Variants in ASS1 observed in about 807,000 individuals in gnomAD.
ASS1 encodes argininosuccinate synthase.
ASS1 carries 58 observed loss-of-function variants against 60.5 expected under a neutral mutation model. The observed-to-expected ratio is 0.96, with a 90% CI of 0.78 to 1.19. The LOEUF (loss-of-function observed/expected upper bound fraction) is 1.19, where lower values mean the gene tolerates loss of function less well. Ranked by LOEUF, ASS1 falls within the 50% of genes most tolerant of loss-of-function variation. The pLI is 0.00. For missense variants in ASS1, 454 were observed against 547.3 expected (o/e 0.83, Z 1.70); for synonymous variants, 200 against 206.9 (o/e 0.97, Z 0.29).
At chr9:130,495,585 G>T (rs879359122) in intron 13 of ASS1, among the ~76,000 whole-genome samples, 1 of 151,990 alleles carries the variant, frequency 6.6e-6, no homozygotes, top group Non-Finnish European at 1.5e-5. Flanking sequence ...TGAATGGGGG[G>T]AGGGGTGGAA....
chr9:130,466,794 G>C lies in ASS1; in HGVS notation c.490G>C (p.Ala164Pro), dbSNP rs201445618. The C allele has an allele frequency of 3.1e-6, 5 of 1,614,008 alleles. No homozygotes were observed. The highest frequency in any genetic ancestry group is 4.2e-6 in the Non-Finnish European group (5 of 1,179,940). Residue 164 changes from alanine (A) to proline (P), a missense_variant, in exon 6 of 15, where the codon GCA becomes CCA. Coordinates refer to ENST00000352480, the MANE Select transcript of ASS1 (RefSeq NM_054012.4). ...GGGCCGCAATGACCTGATGGAGTACGCAAAGGTATGGCCGAGTCTCCCCAC... is the reference window on the plus strand; with the variant it reads ...GGGCCGCAATGACCTGATGGAGTACCCAAAGGTATGGCCGAGTCTCCCCAC... ...FKGRNDLMEYAKQHGIPIPVT... is the reference protein window; with the variant it reads ...FKGRNDLMEYPKQHGIPIPVT...
In ASS1 at chr9:130,491,323, G is replaced by A. The variant is rs1004421247; in HGVS notation, c.970+1859G>A. Among the ~76,000 whole-genome samples, 7 of 152,168 alleles carry A rather than the reference G, an allele frequency of 4.6e-5. No homozygotes were observed. Among genetic ancestry groups the A allele is most frequent in the Non-Finnish European group, 7.3e-5 (5 of 68,036 alleles). On this transcript the variant is annotated intron_variant, in intron 12 of 14. Transcript: ENST00000352480. The surrounding 1 kb of genome is among the most constrained non-coding windows in gnomAD (Gnocchi z 5.3). The stretch of plus-strand genomic sequence containing the variant: ...GTGGCGGAGGAGAGAGCACCTGGCC[G>A]GGCTGCTCCGGGGCCTCCACGGAGG...
intron 14 of ASS1, 30 bp from the exon 15 acceptor site, chr9:130,500,946 A>C (rs1564166114): frequency 2.5e-6 from 4 of 1,610,866 alleles, no homozygotes; most frequent in Non-Finnish European, 3.4e-6. Flanking sequence ...GTTAATTTAC[A>C]TTTTTCTTTG....
chr9:130,462,231 A>G (rs564924995), intron 4 of ASS1, among the ~76,000 whole-genome samples: 2 of 152,274 alleles, frequency 1.3e-5, no homozygotes, highest in South Asian at 4.1e-4. Flanking sequence ...AAATGGCACC[A>G]TCTGTATGGG....
chr9:130,480,418 G>T lies in ASS1; in HGVS notation c.807G>T (p.Val269=), dbSNP rs1371433843. The T allele has an allele frequency of 1.1e-5, 17 of 1,614,176 alleles. No homozygotes were observed. The highest frequency in any genetic ancestry group is 2.7e-5 in the African/African-American group (2 of 75,062). ...GKHGVGRIDI[V]ENRFIGMKSR... ...ATGGCGTGGGCCGTATTGACATCGTGGAGAACCGCTTCATTGGAATGAAGT... is the reference window on the plus strand; with the variant it reads ...ATGGCGTGGGCCGTATTGACATCGTTGAGAACCGCTTCATTGGAATGAAGT... Residue 269 remains valine, a synonymous_variant, in exon 11 of 15, where the codon GTG becomes GTT. Transcript: ENST00000352480.
chr9:130,474,925 C>T (rs1315225485), intron 8 of ASS1, among the ~76,000 whole-genome samples: 1 of 152,202 alleles, frequency 6.6e-6, no homozygotes, highest in African/African-American at 2.4e-5. Context: ...AGTCTGTCTT[C>T]AGGGAAGGTT....
rs1457130214 is a variant in ASS1 at position 130,474,071 on chromosome 9, C to G, written c.597+2556C>G. Among the ~76,000 whole-genome samples the G allele has an allele frequency of 2.2e-4, 28 of 127,862 alleles. 2 individuals are homozygous for G. The highest frequency in any genetic ancestry group is 3.8e-4 in the Admixed American group (5 of 13,220). 83.9% of individuals were successfully genotyped at this position (127,862 alleles called of 152,430 possible). On this transcript the variant is annotated intron_variant, in intron 8 of 14. Coordinates refer to ENST00000352480, the MANE Select transcript of ASS1 (RefSeq NM_054012.4). ...CTCTTCCCTCCCCCGCACCCCCCCC[C>G]CCCCACAGATGACATTGGAAGTGAG...
At chr9:130,462,671 C>G (rs953591358) in intron 4 of ASS1, among the ~76,000 whole-genome samples, 3 of 152,192 alleles carry the variant, frequency 2.0e-5, no homozygotes, top group Non-Finnish European at 2.9e-5. Context: ...CGGACCATGC[C>G]TTACCATCTA....
chr9:130,455,451 T>TCATC (rs1474047107), intron 3 of ASS1, among the ~76,000 whole-genome samples: 3 of 151,498 alleles, frequency 2.0e-5, no homozygotes, highest in Non-Finnish European at 4.4e-5. Flanking sequence ...ATCCATCCAT[T>TCATC]CATCCATCCA....
chr9:130,461,900 C>G (rs1203275869), intron 4 of ASS1, among the ~76,000 whole-genome samples: 1 of 152,118 alleles, frequency 6.6e-6, no homozygotes, highest in Middle Eastern at 3.2e-3. Flanking sequence ...GGGAAGGTGA[C>G]AGTGAAATGT....
intron 13 of ASS1, among the ~76,000 whole-genome samples, chr9:130,496,513 C>T (rs1405482007): frequency 6.6e-6 from 1 of 151,050 alleles, no homozygotes; most frequent in South Asian, 2.1e-4. Context: ...ATCACTTGAG[C>T]CCAGGAGCTG....
At chr9:130,471,379 T>TA in intron 7 of ASS1, 106 bp from the exon 8 acceptor site, 1 of 1,421,490 alleles carries the variant, frequency 7.0e-7, no homozygotes, top group South Asian at 1.2e-5. Context: ...TGGCAGAGAG[T>TA]AAAAGGCAGA....
rs73544010 is a variant in ASS1, at chr9:130,477,717, C to T, written c.688+756C>T. Among the ~76,000 whole-genome samples the T allele has an allele frequency of 0.011, 1,656 of 152,294 alleles. 24 individuals carry two copies. Among genetic ancestry groups the T allele is most frequent in the African/African-American group, 0.031 (1,297 of 41,558 alleles). ...GGGCTCAGAGGGCCTGAAGGGGTAC[C>T]TTTTCAGGAGGCTGGAGTGATCAGG... On this transcript the variant is annotated intron_variant, in intron 9 of 14. Coordinates refer to ENST00000352480, the MANE Select transcript of ASS1 (RefSeq NM_054012.4). This position sits in a 1 kb window ranked among gnomAD's most constrained non-coding sequence, Gnocchi z 4.2.
Position 130,470,997 on chromosome 9 carries a change from C to G in ASS1, c.566+93C>G. ...CCAGGACGTCCTGGTGACCCCCACA[C>G]CAGTGGTCCCTGCCCTCGGGGAGCT... On this transcript the variant is annotated intron_variant, in intron 7 of 14. Transcript: ENST00000352480. This position sits in a 1 kb window ranked among gnomAD's most constrained non-coding sequence, Gnocchi z 4.3. The G allele has an allele frequency of 7.2e-7, 1 of 1,397,150 alleles. No individual in the cohort carries two copies. Among genetic ancestry groups the G allele is most frequent in the Non-Finnish European group, 1.0e-6 (1 of 985,792 alleles). 86.5% of individuals were successfully genotyped at this position (1,397,150 alleles called of 1,614,324 possible).
rs192166452 is a variant in ASS1, at chr9:130,474,887, G to T, written c.598-1984G>T. Among the ~76,000 whole-genome samples the T allele has an allele frequency of 1.2e-3, 181 of 152,340 alleles. 3 individuals are homozygous for T. The highest frequency in any genetic ancestry group is 0.011 in the Admixed American group (167 of 15,306). On this transcript the variant is annotated intron_variant, in intron 8 of 14. Transcript: ENST00000352480. ...GGTCCATAGAGGCATCAGGCTGGGG[G>T]TCCCTCAGGGCCCCTCCTACCTCCT...
intron 6 of ASS1, among the ~76,000 whole-genome samples, chr9:130,469,880 C>A (rs1333774844): frequency 6.6e-6 from 1 of 152,102 alleles, no homozygotes; most frequent in Non-Finnish European, 1.5e-5. Flanking sequence ...GCCTGTGGTT[C>A]CCACAGGGAT....
chr9:130,494,465 G>C lies in ASS1; in HGVS notation c.971-402G>C, dbSNP rs1160370773. ...CAAGCCCCAGGCAGCATGTGCCTCT[G>C]AGTCCTGTCTGAGGTCTTCTGCCTC... On this transcript the variant is annotated intron_variant, in intron 12 of 14. Coordinates refer to ENST00000352480, the MANE Select transcript of ASS1 (RefSeq NM_054012.4). This position sits in a 1 kb window ranked among gnomAD's most constrained non-coding sequence, Gnocchi z 4.3. Among the ~76,000 whole-genome samples, 4 of 152,236 alleles carry C rather than the reference G, an allele frequency of 2.6e-5. No individual in the cohort carries two copies. The highest frequency in any genetic ancestry group is 5.9e-5 in the Non-Finnish European group (4 of 68,040).
chr9:130,494,777 C>A lies in ASS1; in HGVS notation c.971-90C>A. 6.5e-7 allele frequency: 1 copy of A among 1,542,776 alleles called. No individual in the cohort carries two copies. The highest frequency in any genetic ancestry group is 8.9e-7 in the Non-Finnish European group (1 of 1,119,736). The stretch of plus-strand genomic sequence containing the variant: ...GTCATGGTCTGCATGGCGGGGTAAA[C>A]CATGGGGCACCCTTCCTGTGCCCCA... On this transcript the variant is annotated intron_variant, in intron 12 of 14. Coordinates refer to ENST00000352480, the MANE Select transcript of ASS1 (RefSeq NM_054012.4). The surrounding 1 kb of genome is among the most constrained non-coding windows in gnomAD (Gnocchi z 4.3).
In ASS1 at chr9:130,489,622, G is replaced by A. The variant is rs1331736472; in HGVS notation, c.970+158G>A. Among the ~76,000 whole-genome samples the A allele has an allele frequency of 1.3e-5, 2 of 152,220 alleles. No homozygotes were observed. The highest frequency in any genetic ancestry group is 4.8e-5 in the African/African-American group (2 of 41,458). The stretch of plus-strand genomic sequence containing the variant: ...GAGACCCCAAAAGGTGCAGGCCAAA[G>A]GGGGTTGAGGGAAAGTGCAGGGCAT... On this transcript the variant is annotated intron_variant, in intron 12 of 14. Transcript: ENST00000352480. The surrounding 1 kb of genome is among the most constrained non-coding windows in gnomAD (Gnocchi z 4.1).
Sources: allele counts gnomAD v4.1 joint callset (sites outside exome capture counted in the v4.1 genomes callset), GRCh38; gene constraint gnomAD v4.1.1; non-coding constraint Gnocchi (gnomAD v3.1); transcripts MANE v1.5; gene names NCBI Gene and HGNC (gene_info 2026-07-23, HGNC 2026-07-21).